The following TNFSF4 variants were observed in gnomAD, a reference collection of about 807,000 sequenced individuals.
TNFSF4 encodes the protein tumor necrosis factor ligand superfamily member 4.
A neutral mutation model predicts 7.3 loss-of-function variants in TNFSF4; 4 were observed. The ratio of observed to expected loss-of-function variants is 0.55; its 90% CI spans 0.27 to 1.25. The LOEUF is 1.25. TNFSF4 is among the 50% of genes most tolerant of loss of function. The pLI, the probability that TNFSF4 is intolerant of heterozygous loss-of-function variation, is 0.12. For missense variants in TNFSF4, 181 were observed against 208.8 expected, an observed-to-expected ratio of 0.87 and a Z score of 0.82; for synonymous variants, 76 against 83.7, an observed-to-expected ratio of 0.91 and a Z score of 0.50.
chr1:173,249,115 A>G, the TNFSF4 span, among the ~76,000 whole-genome samples: 1 of 152,154 alleles, frequency 6.6e-6, no homozygotes, highest in Non-Finnish European at 1.5e-5. Context: ...AGTAGAAGGG[A>G]GGGATAGGGA....
At chr1:173,345,601 G>T in the TNFSF4 span, among the ~76,000 whole-genome samples, 5 of 152,208 alleles carry the variant, frequency 3.3e-5, no homozygotes, top group Non-Finnish European at 2.9e-5. Flanking sequence ...CAGACATTGA[G>T]GTTGGGGAAT....
intron 1 of TNFSF4, among the ~76,000 whole-genome samples, chr1:173,205,887 C>T (rs1388281636): frequency 6.6e-6 from 1 of 152,190 alleles, no homozygotes; most frequent in Non-Finnish European, 1.5e-5. Flanking sequence ...CAGACCTGAG[C>T]ATGACACTAG....
At chr1:173,234,744 T>C in the TNFSF4 span, among the ~76,000 whole-genome samples, 5 of 151,946 alleles carry the variant, frequency 3.3e-5, no homozygotes, top group African/African-American at 1.2e-4. Context: ...AATTGAACAA[T>C]GAGAACACTT....
chr1:173,450,472 G>C, the TNFSF4 span, among the ~76,000 whole-genome samples: 4 of 151,730 alleles, frequency 2.6e-5, no homozygotes, highest in Non-Finnish European at 5.9e-5. Flanking sequence ...TTACAATTAA[G>C]AAAATGTCAA....
At chr1:173,396,814 G>A in the TNFSF4 span, among the ~76,000 whole-genome samples, 2 of 152,170 alleles carry the variant, frequency 1.3e-5, no homozygotes, top group Non-Finnish European at 2.9e-5. Flanking sequence ...ACACTGGGAG[G>A]GCCCAGAAGA....
the TNFSF4 span, among the ~76,000 whole-genome samples, chr1:173,391,214 T>G: frequency 6.6e-6 from 1 of 151,616 alleles, no homozygotes; most frequent in East Asian, 1.9e-4. Context: ...CCTCTGGTCC[T>G]TCCCCTATGC....
At chr1:173,426,075 T>C in the TNFSF4 span, among the ~76,000 whole-genome samples, 2 of 152,226 alleles carry the variant, frequency 1.3e-5, no homozygotes, top group Non-Finnish European at 1.5e-5. Flanking sequence ...GCTGTATCAA[T>C]AGAAGTTTAT....
chr1:173,257,990 G>C, the TNFSF4 span, among the ~76,000 whole-genome samples: 5 of 152,124 alleles, frequency 3.3e-5, no homozygotes, highest in Non-Finnish European at 5.9e-5. Flanking sequence ...TCGTTAGCAG[G>C]AGTCAAAGTA....
the TNFSF4 span, among the ~76,000 whole-genome samples, chr1:173,359,510 TA>T: frequency 1.5e-3 from 188 of 122,506 alleles, no homozygotes; most frequent in African/African-American, 5.3e-3. Flanking sequence ...TTACCAGCTG[TA>T]AAAAAAAAAA....
the TNFSF4 span, among the ~76,000 whole-genome samples, chr1:173,401,043 T>C: frequency 1.3e-5 from 2 of 152,316 alleles, no homozygotes; most frequent in Admixed American, 6.5e-5. Flanking sequence ...TACATATATA[T>C]TTGCTTTCTT....
chr1:173,227,053 T>A, the TNFSF4 span, among the ~76,000 whole-genome samples: 2 of 152,064 alleles, frequency 1.3e-5, 1 homozygote, highest in African/African-American at 4.8e-5. Context: ...TAAGTTCTCA[T>A]GATACTTGAG....
At chr1:173,230,449 T>C in the TNFSF4 span, among the ~76,000 whole-genome samples, 1 of 152,364 alleles carries the variant, frequency 6.6e-6, no homozygotes, top group African/African-American at 2.4e-5. Flanking sequence ...GGGAAATTTA[T>C]AGCACTAAAT....
chr1:173,204,874 GTT>G (rs1233885697), intron 1 of TNFSF4, among the ~76,000 whole-genome samples: 1 of 149,428 alleles, frequency 6.7e-6, no homozygotes, highest in Non-Finnish European at 1.5e-5. Flanking sequence ...CTCTGTCTCT[GTT>G]TCTCTCTCTC....
chr1:173,442,539 G>GT, the TNFSF4 span, among the ~76,000 whole-genome samples: 25 of 111,036 alleles, frequency 2.3e-4, no homozygotes, highest in African/African-American at 5.9e-4. Context: ...TTGGTTTTTC[G>GT]TTTTTGTTTT....
At chr1:173,344,246 T>A in the TNFSF4 span, among the ~76,000 whole-genome samples, 1 of 152,232 alleles carries the variant, frequency 6.6e-6, no homozygotes, top group Non-Finnish European at 1.5e-5. Flanking sequence ...CAGCGCACTA[T>A]TGTACAGCAG....
At chr1:173,415,494 C>T in the TNFSF4 span, among the ~76,000 whole-genome samples, 2 of 152,212 alleles carry the variant, frequency 1.3e-5, no homozygotes, top group Non-Finnish European at 2.9e-5. Context: ...CAATCGGAAC[C>T]ACCCTTACAC....
At chr1:173,221,125 T>C in the TNFSF4 span, among the ~76,000 whole-genome samples, 49 of 152,080 alleles carry the variant, frequency 3.2e-4, no homozygotes, top group Non-Finnish European at 1.8e-4. Flanking sequence ...CAAAAACAAC[T>C]TTGGCATGCC....
chr1:173,210,616 G>C (rs751889996), upstream of TNFSF4, among the ~76,000 whole-genome samples: 1 of 152,110 alleles, frequency 6.6e-6, no homozygotes, highest in African/African-American at 2.4e-5. Flanking sequence ...AACATGGAGA[G>C]GTTTGAAGCA....
At chr1:173,411,626 T>C in the TNFSF4 span, among the ~76,000 whole-genome samples, 2 of 150,010 alleles carry the variant, frequency 1.3e-5, no homozygotes, top group South Asian at 4.2e-4. Flanking sequence ...ATGGCAAAAC[T>C]CCATCTCTAC....
Sources: allele counts gnomAD v4.1 joint callset (sites outside exome capture counted in the v4.1 genomes callset), GRCh38; gene constraint gnomAD v4.1.1; transcripts MANE v1.5; gene names NCBI Gene and HGNC (gene_info 2026-07-23, HGNC 2026-07-21).